The following SON variants were observed in gnomAD, a reference collection of about 807,000 sequenced individuals.
The protein encoded by SON is protein SON.
Under a neutral mutation model 173.3 loss-of-function variants are expected in SON, and 4 were observed. The ratio of observed to expected loss-of-function variants is 0.02; its 90% CI spans 0.01 to 0.05. The LOEUF (loss-of-function observed/expected upper bound fraction) is 0.05. Ranked by LOEUF, SON falls within the 10% of genes least tolerant of loss-of-function variation. The pLI, the probability that SON is intolerant of heterozygous loss-of-function variation, is 1.00. For synonymous variants in SON, 1,190 were observed against 1,105.9 expected (o/e 1.08, Z -1.51); for missense variants, 2,626 against 3,055.3 (o/e 0.86, Z 3.31).
At chr21:33,570,113 A>C (rs981871783) in intron 8 of SON, 3 of 152,548 alleles carry the variant, frequency 2.0e-5, no homozygotes, top group African/African-American at 7.2e-5. Flanking sequence ...GCAGCATAGC[A>C]GTGCTGAAAC....
Position 33,551,988 on chromosome 21 carries a change from T to G in SON, c.2757T>G (p.Asp919Glu). ...CTGATCCCTATAGGTTAGCTCAGGA[T>G]CCTTACAGGTTAGCTCAGGATCCCT... ...KSPDPYRLAQ[D>E]PYRLAQDPYR... The change falls in exon 3 of 12, where the codon GAT (aspartate) becomes GAG (glutamate). Residue 919 changes from aspartate (D) to glutamate (E), a missense_variant. By Grantham distance (45) the Asp-to-Glu change is conservative. Around this residue, in one of 13 missense-constraint regions of SON, gnomAD observed 366 missense variants for 448.6 expected, o/e 0.82. Transcript: ENST00000356577. The G allele has an allele frequency of 6.2e-7, 1 of 1,613,924 alleles. No homozygotes were observed. The highest frequency in any genetic ancestry group is 8.5e-7 in the Non-Finnish European group (1 of 1,179,842).
In SON at chr21:33,565,044, G is replaced by A. The variant is rs2086141927; in HGVS notation, c.6658-2113G>A. ...GGTTGCTATAATAAAATTCCTTTCA[G>A]AATCATGAGTTTAATATGAAACACT... On this transcript the variant is annotated intron_variant, in intron 6 of 11. Coordinates refer to ENST00000356577, the MANE Select transcript of SON (RefSeq NM_138927.4). 2.0e-5 allele frequency among the ~76,000 whole-genome samples: 3 copies of A among 152,056 alleles called. No homozygotes were observed. In the South Asian group the frequency reaches 6.2e-4, roughly 31 times the overall value.
At chr21:33,549,441 GAATGTCTGACAAAA>G (rs1212444928) in intron 2 of SON, 21 bp from the exon 3 acceptor site, 5 of 1,493,180 alleles carry the variant, frequency 3.3e-6, no homozygotes, top group Non-Finnish European at 4.5e-6. Context: ...CTACTTTGGG[GAATGTCTGACAAAA>G]TTAATTTCTA....
intron 4 of SON, chr21:33,557,520 T>G (rs1366869687): frequency 6.4e-7 from 1 of 1,550,704 alleles, no homozygotes; most frequent in Non-Finnish European, 8.7e-7. Flanking sequence ...AGCTAAAAGT[T>G]ACTTCCCATT....
At chr21:33,574,814 A>G (rs567160816) in intron 9 of SON, among the ~76,000 whole-genome samples, 152 of 152,308 alleles carry the variant, frequency 1.0e-3, no homozygotes, top group Middle Eastern at 3.4e-3. Flanking sequence ...TAATAAGTCT[A>G]TGGAGAGAGA....
In SON at chr21:33,551,916, G is replaced by A; in HGVS notation, c.2685G>A (p.Met895Ile). ...MLASGTMDAQ[M>I]LASSTQDSAM... ...CGTCTGGTACCATGGATGCCCAGAT[G>A]TTAGCGTCTAGTACCCAAGATTCTG... is the stretch of plus-strand genomic sequence containing the variant. The change falls in exon 3 of 12, where the codon ATG (methionine) becomes ATA (isoleucine). Residue 895 changes from methionine to isoleucine, a missense_variant. By Grantham distance (10) the Met-to-Ile change is conservative. This residue lies in a region of SON where 366 missense variants were observed against 448.6 expected (regional missense o/e 0.82). Transcript: ENST00000356577. 1.2e-6 allele frequency: 2 copies of A among 1,614,128 alleles called. No homozygotes were observed. Among genetic ancestry groups the A allele is most frequent in the Non-Finnish European group, 1.7e-6 (2 of 1,179,994 alleles).
At chr21:33,572,670 C>T (rs1312344441) in intron 8 of SON, 1 of 1,038,684 alleles carries the variant, frequency 9.6e-7, no homozygotes, top group Non-Finnish European at 1.3e-6. Context: ...AGTCTTTTAA[C>T]ATCAAGCTAG....
At position 33,550,391 on chromosome 21, in the gene SON, C is replaced by T. The variant is rs758452178; in HGVS notation, c.1160C>T (p.Pro387Leu). 62 of 1,613,922 alleles carry T rather than the reference C, an allele frequency of 3.8e-5. No individual in the cohort carries two copies. Among genetic ancestry groups the T allele is most frequent in the Non-Finnish European group, 5.0e-5 (59 of 1,180,030 alleles). Residue 387 changes from proline (P) to leucine (L), a missense_variant, in exon 3 of 12, where the codon CCT becomes CTT. Pro to Leu is a moderately conservative substitution (Grantham distance 98). Transcript: ENST00000356577. Reference protein sequence around the residue: ...VASAMELPGPPATSMPELQGP... With the variant: ...VASAMELPGPLATSMPELQGP... ...TCAGCGATGGAGTTGCCGGGGCCAC[C>T]TGCGACCTCCATGCCGGAGTTGCAG...
chr21:33,557,732 G>A (rs2085995224), intron 4 of SON: 2 of 1,416,124 alleles, frequency 1.4e-6, no homozygotes, highest in Admixed American at 3.1e-5. Context: ...TGCCACCGGA[G>A]CTTGGAAATT....
intron 9 of SON, 95 bp from the exon 10 acceptor site, chr21:33,575,501 G>T: frequency 1.4e-6 from 1 of 696,560 alleles, no homozygotes; most frequent in Non-Finnish European, 2.4e-6. Flanking sequence ...GATTTTATTT[G>T]AAGGCATACA....
At chr21:33,573,689 A>G (rs143247086) in intron 9 of SON, among the ~76,000 whole-genome samples, 9 of 152,334 alleles carry the variant, frequency 5.9e-5, no homozygotes, top group African/African-American at 1.9e-4. Flanking sequence ...CTAGTTGCTA[A>G]ATATGGAAAT....
Position 33,549,761 on chromosome 21 carries a change from C to T in SON, c.530C>T (p.Ser177Phe). ...CTTCCTACAAGAGCATTTGGCCCATCTGAGACCAATGAATCCCCTGCAGTT... is the reference window on the plus strand; with the variant it reads ...CTTCCTACAAGAGCATTTGGCCCATTTGAGACCAATGAATCCCCTGCAGTT... ...LELPTRAFGP[S>F]ETNESPAVVL... The change falls in exon 3 of 12, where the codon TCT (serine) becomes TTT (phenylalanine). Residue 177 changes from serine (S) to phenylalanine (F), a missense_variant. Coordinates refer to ENST00000356577, the MANE Select transcript of SON (RefSeq NM_138927.4). 1 of 1,614,216 alleles carries T rather than the reference C, an allele frequency of 6.2e-7. No individual in the cohort carries two copies. The highest frequency in any genetic ancestry group is 1.3e-5 in the African/African-American group (1 of 75,076).
Position 33,552,827 on chromosome 21 carries a change from T to A in SON, c.3596T>A (p.Val1199Glu), listed in dbSNP as rs544424149. Residue 1199 changes from valine (V) to glutamate (E), a missense_variant, in exon 3 of 12, where the codon GTG becomes GAG. This residue lies in a region of SON where 1,006 missense variants were observed against 895.6 expected (regional missense o/e 1.12). Coordinates refer to ENST00000356577, the MANE Select transcript of SON (RefSeq NM_138927.4). This position sits in a 1 kb window ranked among gnomAD's most constrained non-coding sequence, Gnocchi z 5.6. ...LTAENTWPTE[V>E]PSSPSEESVS... ...GCTGAAAATACTTGGCCTACAGAGGTGCCATCATCACCATCTGAAGAGTCT... is the reference window on the plus strand; with the variant it reads ...GCTGAAAATACTTGGCCTACAGAGGAGCCATCATCACCATCTGAAGAGTCT... The A allele has an allele frequency of 6.2e-7, 1 of 1,613,584 alleles. No homozygotes were observed. The highest frequency in any genetic ancestry group is 1.3e-5 in the African/African-American group (1 of 74,954).
chr21:33,544,719 T>A (rs2085573520), intron 1 of SON, among the ~76,000 whole-genome samples: 1 of 152,236 alleles, frequency 6.6e-6, no homozygotes, highest in Non-Finnish European at 1.5e-5. Flanking sequence ...GGTTTGAAAT[T>A]TTCATTGCTT....
rs1489169485 is a variant in SON at position 33,550,518 on chromosome 21, G to A, written c.1287G>A (p.Gly429=). ...CTACCCCAGTGCCTGAGTTGCCAGG[G>A]CCCCCTGCGACAGCAGTGCCTGAGT... The part of the protein sequence containing the change: ...PLSTPVPELP[G]PPATAVPELP... The change falls in exon 3 of 12, where the codon GGG becomes GGA. Residue 429 remains glycine (G), a synonymous_variant. Coordinates refer to ENST00000356577, the MANE Select transcript of SON (RefSeq NM_138927.4). The A allele has an allele frequency of 1.2e-6, 2 of 1,613,754 alleles. No homozygotes were observed. Among genetic ancestry groups the A allele is most frequent in the Admixed American group, 3.3e-5 (2 of 59,988 alleles).
chr21:33,550,404 G>T lies in SON; in HGVS notation c.1173G>T (p.Met391Ile). The T allele has an allele frequency of 1.9e-6, 3 of 1,613,970 alleles. No homozygotes were observed. The highest frequency in any genetic ancestry group is 2.5e-6 in the Non-Finnish European group (3 of 1,179,986). ...TGCCGGGGCCACCTGCGACCTCCAT[G>T]CCGGAGTTGCAGGGGCCCCCTGTGA... ...MELPGPPATS[M>I]PELQGPPVTP... Residue 391 changes from methionine (M) to isoleucine (I), a missense_variant, in exon 3 of 12, where the codon ATG (methionine) becomes ATT (isoleucine). Physicochemically the swap from Met to Ile is conservative, Grantham distance 10. Coordinates refer to ENST00000356577, the MANE Select transcript of SON (RefSeq NM_138927.4).
chr21:33,565,956 T>C (rs1380383012), intron 6 of SON, among the ~76,000 whole-genome samples: 1 of 152,210 alleles, frequency 6.6e-6, no homozygotes, highest in African/African-American at 2.4e-5. Context: ...TGAATCCTTA[T>C]GCATGAGTTA....
chr21:33,563,271 A>G (rs895039123), intron 6 of SON, among the ~76,000 whole-genome samples: 10 of 152,156 alleles, frequency 6.6e-5, no homozygotes, highest in African/African-American at 2.4e-4. Flanking sequence ...TCTATTATAC[A>G]CTAGAGAATT....
At chr21:33,567,064 G>T in intron 6 of SON, 93 bp from the exon 7 acceptor site, 1 of 636,196 alleles carries the variant, frequency 1.6e-6, no homozygotes, top group Non-Finnish European at 2.8e-6. Context: ...CTATTATTTT[G>T]TTTTTGATAT....
Sources: allele counts gnomAD v4.1 joint callset (sites outside exome capture counted in the v4.1 genomes callset), GRCh38; gene constraint gnomAD v4.1.1; regional missense constraint gnomAD v4.1.1; non-coding constraint Gnocchi (gnomAD v3.1); transcripts MANE v1.5; gene names NCBI Gene and HGNC (gene_info 2026-07-23, HGNC 2026-07-21).